The following NEMF variants were observed in gnomAD, a reference collection of about 807,000 sequenced individuals.
NEMF encodes the protein ribosome quality control complex subunit NEMF.
Under a neutral mutation model 162.2 loss-of-function variants are expected in NEMF, and 89 were observed. The ratio of observed to expected loss-of-function variants is 0.55; its 90% confidence interval spans 0.46 to 0.65. The LOEUF is 0.65. NEMF is among the 30% of genes least tolerant of loss of function. NEMF has a pLI of 0.00. For synonymous variants in NEMF, 421 were observed against 404.5 expected (o/e 1.04, Z -0.49); for missense variants, 1,133 against 1,261.9 (o/e 0.90, Z 1.55).
intron 6 of NEMF, among the ~76,000 whole-genome samples, chr14:49,837,841 A>G (rs1892983866): frequency 6.6e-6 from 1 of 152,002 alleles, no homozygotes; most frequent in African/African-American, 2.4e-5. Context: ...AAACCAAAAA[A>G]AAACTAAGCT....
Position 49,833,468 on chromosome 14 carries a change from C to T in NEMF, c.690G>A (p.Gln230=). The change falls in exon 8 of 33, where the codon CAG becomes CAA. Residue 230 remains glutamine, a synonymous_variant. Transcript: ENST00000298310. ...TTGTTTTCATATAGTCTTCTGCTTT[C>T]TGCAGAGAAACAAGTACTTTTTCAA... ...KDIEKVLVSL[Q]KAEDYMKTTS... is the part of the protein sequence containing the mutation. 1 of 1,586,320 alleles carries T rather than the reference C, an allele frequency of 6.3e-7. No homozygotes were observed. Among genetic ancestry groups the T allele is most frequent in the Non-Finnish European group, 8.6e-7 (1 of 1,161,050 alleles).
In NEMF at chr14:49,782,687, G is replaced by C; in HGVS notation, c.*1949C>G. 1.5e-6 allele frequency: 2 copies of C among 1,348,746 alleles called. No individual in the cohort carries two copies. Among genetic ancestry groups the C allele is most frequent in the Non-Finnish European group, 2.0e-6 (2 of 980,376 alleles). 83.5% of individuals were successfully genotyped at this position (1,348,746 alleles called of 1,614,324 possible). A position where few individuals can be genotyped will look rare whatever the true frequency, so the allele number is the denominator to read the frequency against. On this transcript the variant is annotated 3_prime_UTR_variant, in exon 33 of 33. Coordinates refer to ENST00000298310, the MANE Select transcript of NEMF (RefSeq NM_004713.6). ...AAAACTAGGTTTATGGATTATTTAA[G>C]GGCAATAAAACTTCATTGCTATAAC...
In NEMF at chr14:49,852,766, G is replaced by C. The variant is rs375858690; in HGVS notation, c.-13C>G. The C allele has an allele frequency of 1.2e-6, 2 of 1,614,172 alleles. No homozygotes were observed. Among genetic ancestry groups the C allele is most frequent in the Non-Finnish European group, 1.7e-6 (2 of 1,180,018 alleles). On this transcript the variant is annotated 5_prime_UTR_variant, in exon 1 of 33. Transcript: ENST00000298310. ...AGCGGCTCTTCATGGCGAGGCCCGA[G>C]GGTCACTACCGCAAGTTCCTCTACT... is the stretch of plus-strand genomic sequence containing the variant.
chr14:49,850,357 G>A (rs1893712734), intron 3 of NEMF, among the ~76,000 whole-genome samples: 1 of 151,986 alleles, frequency 6.6e-6, no homozygotes, highest in South Asian at 2.1e-4. Context: ...CAAAGTGTTG[G>A]AATTACAGGC....
At chr14:49,845,224 C>T (rs1893439929) in intron 4 of NEMF, among the ~76,000 whole-genome samples, 1 of 152,122 alleles carries the variant, frequency 6.6e-6, no homozygotes, top group African/African-American at 2.4e-5. Flanking sequence ...TCCCGAGTAG[C>T]TGGGATTATA....
intron 18 of NEMF, among the ~76,000 whole-genome samples, chr14:49,806,524 T>C (rs897761093): frequency 6.6e-6 from 1 of 151,098 alleles, no homozygotes; most frequent in Non-Finnish European, 1.5e-5. Flanking sequence ...CCTCCCAGAG[T>C]GCTGGAACTA....
chr14:49,839,238 C>T (rs998157643), intron 5 of NEMF, among the ~76,000 whole-genome samples: 9 of 151,974 alleles, frequency 5.9e-5, no homozygotes, highest in African/African-American at 1.7e-4. Flanking sequence ...CCACCATGCC[C>T]GGCTAATTTT....
chr14:49,813,978 A>T lies in NEMF; in HGVS notation c.1744+10T>A, dbSNP rs1891604155. ...GGAACAGGAATTCTGAATAGAAAGA[A>T]ATATATTACCTGTTGGATTCTTAAT... On this transcript the variant is annotated intron_variant, in intron 18 of 32. Coordinates refer to ENST00000298310, the MANE Select transcript of NEMF (RefSeq NM_004713.6). The T allele has an allele frequency of 1.4e-6, 2 of 1,432,434 alleles. No individual in the cohort carries two copies. The highest frequency in any genetic ancestry group is 1.4e-5 in the African/African-American group (1 of 71,626). 88.7% of individuals were successfully genotyped at this position (1,432,434 alleles called of 1,614,324 possible).
intron 6 of NEMF, among the ~76,000 whole-genome samples, chr14:49,835,213 G>A (rs1283472318): frequency 2.7e-4 from 12 of 44,866 alleles, no homozygotes; most frequent in African/African-American, 9.6e-4. Flanking sequence ...GCCCCACCCC[G>A]CAACCAAAAA....
At chr14:49,817,515 C>G (rs992962184) in intron 16 of NEMF, among the ~76,000 whole-genome samples, 2 of 151,956 alleles carry the variant, frequency 1.3e-5, no homozygotes, top group Non-Finnish European at 2.9e-5. Flanking sequence ...CTAGTTACAC[C>G]TGACAAACAA....
At chr14:49,798,553 T>C (rs1452506978) in intron 25 of NEMF, among the ~76,000 whole-genome samples, 1 of 152,230 alleles carries the variant, frequency 6.6e-6, no homozygotes, top group African/African-American at 2.4e-5. Flanking sequence ...AATTAGCCCA[T>C]GGCAAAACTG....
intron 6 of NEMF, among the ~76,000 whole-genome samples, chr14:49,837,199 C>T (rs950299995): frequency 6.6e-6 from 1 of 152,166 alleles, no homozygotes; most frequent in African/African-American, 2.4e-5. Flanking sequence ...TTGCTTGAAC[C>T]CGGGAGGCAG....
At chr14:49,820,446 C>T (rs911292733) in intron 16 of NEMF, 5 of 456,560 alleles carry the variant, frequency 1.1e-5, no homozygotes, top group African/African-American at 6.0e-5. Flanking sequence ...TTACCCTCTC[C>T]GTTTCAGATT....
intron 17 of NEMF, 135 bp downstream of exon 17, chr14:49,814,619 A>C: frequency 1.8e-6 from 1 of 563,002 alleles, no homozygotes; most frequent in Non-Finnish European, 3.1e-6. Context: ...CAAACCATGA[A>C]GCATCATGCA....
At chr14:49,848,890 C>A (rs976825242) in intron 3 of NEMF, among the ~76,000 whole-genome samples, 1 of 140,536 alleles carries the variant, frequency 7.1e-6, no homozygotes, top group Non-Finnish European at 1.6e-5. Flanking sequence ...AGAAGTTAAT[C>A]TAAGACCACC....
chr14:49,846,290 T>G (rs1381926225), intron 3 of NEMF, 25 bp from the exon 4 acceptor site: 2 of 1,604,472 alleles, frequency 1.2e-6, no homozygotes. Flanking sequence ...AAAAAGGCAT[T>G]CATTTAGTAA....
rs187842171 is a variant in NEMF, at chr14:49,783,262, C to G, written c.*1374G>C. 7.4e-4 allele frequency: 145 copies of G among 194,674 alleles called. No individual in the cohort carries two copies. The highest frequency in any genetic ancestry group is 3.1e-3 in the African/African-American group (132 of 42,172). 12.1% of individuals were successfully genotyped at this position (194,674 alleles called of 1,614,324 possible). On this transcript the variant is annotated 3_prime_UTR_variant, in exon 33 of 33. Coordinates refer to ENST00000298310, the MANE Select transcript of NEMF (RefSeq NM_004713.6). Reference sequence around the variant, plus strand: ...AGAAACATTATAGTCTTACCATCATCAAAATGCTGAAGTCATTTTTTGAAA... The same window carrying G: ...AGAAACATTATAGTCTTACCATCATGAAAATGCTGAAGTCATTTTTTGAAA...
At chr14:49,819,788 G>A (rs1277290041) in intron 16 of NEMF, among the ~76,000 whole-genome samples, 2 of 152,138 alleles carry the variant, frequency 1.3e-5, no homozygotes, top group African/African-American at 2.4e-5. Flanking sequence ...TAGAGCAATT[G>A]CATGTACCCA....
chr14:49,784,791 A>G, intron 32 of NEMF, 78 bp from the exon 33 acceptor site: 1 of 1,458,728 alleles, frequency 6.9e-7, no homozygotes. Context: ...AACGAAAAAC[A>G]TTTCCAAACT....
Sources: allele counts gnomAD v4.1 joint callset (sites outside exome capture counted in the v4.1 genomes callset), GRCh38; gene constraint gnomAD v4.1.1; transcripts MANE v1.5; gene names NCBI Gene and HGNC (gene_info 2026-07-23, HGNC 2026-07-21).